Variants in CRTAP observed in about 807,000 individuals in gnomAD.
CRTAP encodes the protein cartilage associated protein.
In CRTAP, 33 loss-of-function variants were observed where a neutral mutation model predicts 42.7. The observed-to-expected ratio is 0.77, with a 90% CI of 0.59 to 1.03. CRTAP has a LOEUF of 1.03. CRTAP is among the 50% of genes least tolerant of loss of function. CRTAP has a pLI of 0.00. For synonymous variants in CRTAP, 243 were observed against 217.7 expected (o/e 1.12, Z -1.02); for missense variants, 613 against 533.9 (o/e 1.15, Z -1.46).
intron 1 of CRTAP, among the ~76,000 whole-genome samples, 190 bp from the exon 2 acceptor site, chr3:33,120,154 G>A (rs1286935073): frequency 6.6e-6 from 1 of 152,182 alleles, no homozygotes; most frequent in Non-Finnish European, 1.5e-5. Flanking sequence ...CCAGACAGTC[G>A]CTTTCAGGAA....
chr3:33,114,843 A>G lies in CRTAP; in HGVS notation c.471+295A>G, dbSNP rs9841225. On this transcript the variant is annotated intron_variant, in intron 1 of 6. Transcript: ENST00000320954. ...TAAATGTTCTCTGTTATTTGAGGGCAGACGCCTCTTTTCTGTATATACCAT... is the reference window on the plus strand; with the variant it reads ...TAAATGTTCTCTGTTATTTGAGGGCGGACGCCTCTTTTCTGTATATACCAT... 0.18 allele frequency among the ~76,000 whole-genome samples: 27,093 copies of G among 152,292 alleles called. 3,533 individuals are homozygous for G. Among genetic ancestry groups the G allele is most frequent in the East Asian group, 0.49 (2,551 of 5,176 alleles).
At chr3:33,122,954 A>G (rs1399288720) in intron 2 of CRTAP, among the ~76,000 whole-genome samples, 1 of 151,474 alleles carries the variant, frequency 6.6e-6, no homozygotes, top group Non-Finnish European at 1.5e-5. Context: ...CCTTGGTCCT[A>G]GTTTATTTCT....
chr3:33,125,290 A>G lies in CRTAP; in HGVS notation c.793+711A>G, dbSNP rs76367056. 2.2e-3 allele frequency among the ~76,000 whole-genome samples: 338 copies of G among 152,296 alleles called. 1 individual carries two copies. Among genetic ancestry groups the G allele is most frequent in the African/African-American group, 7.9e-3 (327 of 41,558 alleles). On this transcript the variant is annotated intron_variant, in intron 3 of 6. Coordinates refer to ENST00000320954, the MANE Select transcript of CRTAP (RefSeq NM_006371.5). ...TACCTTGGATAAAGGTATCATGTCT[A>G]TGTACTTGTAAATAAGTCTGGGAAT...
chr3:33,136,928 G>C (rs568098047), intron 6 of CRTAP, among the ~76,000 whole-genome samples: 1 of 152,294 alleles, frequency 6.6e-6, no homozygotes, highest in East Asian at 1.9e-4. Context: ...CCTAGGAATG[G>C]ATTGCTGGGC....
At chr3:33,115,507 C>G (rs143386846) in intron 1 of CRTAP, among the ~76,000 whole-genome samples, 3 of 152,192 alleles carry the variant, frequency 2.0e-5, no homozygotes, top group African/African-American at 7.2e-5. Context: ...CGAGGACCCA[C>G]AAGTTTTAAG....
intron 2 of CRTAP, among the ~76,000 whole-genome samples, chr3:33,121,420 T>A (rs1249231247): frequency 2.3e-4 from 33 of 144,318 alleles, no homozygotes; most frequent in African/African-American, 8.1e-4. Context: ...TCAAAAAAAA[T>A]GAAAGAAAAT....
chr3:33,126,064 T>C (rs2030058181), intron 3 of CRTAP, among the ~76,000 whole-genome samples: 1 of 152,212 alleles, frequency 6.6e-6, no homozygotes, highest in Non-Finnish European at 1.5e-5. Flanking sequence ...ATCAGCACCA[T>C]CCATCTCTAG....
chr3:33,118,498 C>T (rs138172074), intron 1 of CRTAP, among the ~76,000 whole-genome samples: 3 of 152,340 alleles, frequency 2.0e-5, no homozygotes, highest in African/African-American at 7.2e-5. Context: ...CATCACCACC[C>T]ACCACTTCTC....
intron 5 of CRTAP, among the ~76,000 whole-genome samples, chr3:33,132,945 G>A (rs935879032): frequency 8.5e-5 from 13 of 152,050 alleles, no homozygotes; most frequent in African/African-American, 3.1e-4. Flanking sequence ...AGGCGTGGTG[G>A]CACGTGGCTG....
chr3:33,140,607 A>G (rs557597156), intron 6 of CRTAP, among the ~76,000 whole-genome samples: 1 of 152,318 alleles, frequency 6.6e-6, no homozygotes, highest in South Asian at 2.1e-4. Flanking sequence ...TGAAATGTGT[A>G]TAAGCACTCC....
rs1373255474 is a variant in CRTAP at position 33,140,938 on chromosome 3, C to T, written c.1153-1457C>T. Among the ~76,000 whole-genome samples the T allele has an allele frequency of 5.9e-5, 9 of 152,330 alleles. No homozygotes were observed. In the East Asian group the frequency reaches 1.7e-3, roughly 29 times the overall value. ...TCTTGCCTTTTGTAGTCCCCCTTAT[C>T]AGTCTGTCATTCGTTCTTCGTTGCC... On this transcript the variant is annotated intron_variant, in intron 6 of 6. Coordinates refer to ENST00000320954, the MANE Select transcript of CRTAP (RefSeq NM_006371.5).
rs1286740267 is a variant in CRTAP at position 33,114,318 on chromosome 3, G to C, written c.241G>C (p.Glu81Gln). The change falls in exon 1 of 7, where the codon GAG becomes CAG. Residue 81 changes from glutamate (E) to glutamine (Q), a missense_variant. Glu to Gln is a conservative substitution (Grantham distance 29). Coordinates refer to ENST00000320954, the MANE Select transcript of CRTAP (RefSeq NM_006371.5). ...GCTGCACCGCTTGCTGCGCGACAGC[G>C]AGGCCTTCTGCCACCGCAACTGCAG... Reference protein sequence around the residue: ...LRLHRLLRDSEAFCHRNCSAA... With the variant: ...LRLHRLLRDSQAFCHRNCSAA... The C allele has an allele frequency of 6.5e-7, 1 of 1,545,458 alleles. No homozygotes were observed. The highest frequency in any genetic ancestry group is 8.7e-7 in the Non-Finnish European group (1 of 1,153,796).
Position 33,114,190 on chromosome 3 carries a change from G to T in CRTAP, c.113G>T (p.Arg38Leu), listed in dbSNP as rs1311153988. 6.3e-7 allele frequency: 1 copy of T among 1,592,908 alleles called. No homozygotes were observed. The highest frequency in any genetic ancestry group is 2.3e-5 in the East Asian group (1 of 44,158). ...YERYSFRSFP[R>L]DELMPLESAY... is the part of the protein sequence containing the mutation. ...CGCTACAGCTTCCGCAGCTTCCCAC[G>T]GGACGAGCTGATGCCGCTCGAGTCG... The change falls in exon 1 of 7, where the codon CGG becomes CTG. Residue 38 changes from arginine (R) to leucine (L), a missense_variant. Physicochemically the swap from Arg to Leu is moderately radical, Grantham distance 102 (BLOSUM62 -2). Transcript: ENST00000320954.
chr3:33,130,799 G>T (rs1275371428), intron 4 of CRTAP, among the ~76,000 whole-genome samples: 9 of 152,068 alleles, frequency 5.9e-5, no homozygotes, highest in Admixed American at 5.9e-4. Context: ...CTCCCAAAGT[G>T]CTGGGATTAC....
intron 4 of CRTAP, 62 bp downstream of exon 4, chr3:33,130,129 A>C: frequency 6.6e-7 from 1 of 1,505,672 alleles, no homozygotes; most frequent in Non-Finnish European, 9.2e-7. Context: ...TGTAAAATAG[A>C]GGTAATAACT....
chr3:33,141,237 C>G (rs2030562079), intron 6 of CRTAP, among the ~76,000 whole-genome samples: 1 of 152,160 alleles, frequency 6.6e-6, no homozygotes, highest in Admixed American at 6.5e-5. Context: ...ATACCATCAT[C>G]CCGCAAGTCA....
chr3:33,124,865 A>C (rs779393963), intron 3 of CRTAP, among the ~76,000 whole-genome samples: 38 of 152,190 alleles, frequency 2.5e-4, no homozygotes, highest in Admixed American at 6.5e-5. Flanking sequence ...TTTGAAAAAT[A>C]AAAATGGGCC....
rs968486978 is a variant in CRTAP, at chr3:33,147,354, T to C, written c.*4906T>C. On this transcript the variant is annotated 3_prime_UTR_variant, in exon 7 of 7. Transcript: ENST00000320954. ...TAAGAATCAAGAGCAGCTATTGTTA[T>C]CCTTAGAGTGTTTTCCGTCTAGGGC... is the stretch of plus-strand genomic sequence containing the variant. The C allele has an allele frequency of 6.5e-6, 1 of 152,702 alleles. No individual in the cohort carries two copies. The highest frequency in any genetic ancestry group is 2.4e-5 in the African/African-American group (1 of 41,478). The allele number at this position is 152,702 out of a possible 1,614,324, so 9.5% of individuals were successfully genotyped here.
chr3:33,141,463 T>C (rs1306922307), intron 6 of CRTAP, among the ~76,000 whole-genome samples: 1 of 152,246 alleles, frequency 6.6e-6, no homozygotes, highest in Non-Finnish European at 1.5e-5. Context: ...TTGTGTCTCA[T>C]GTACTTGATA....
Sources: allele counts gnomAD v4.1 joint callset (sites outside exome capture counted in the v4.1 genomes callset), GRCh38; gene constraint gnomAD v4.1.1; transcripts MANE v1.5; gene names NCBI Gene and HGNC (gene_info 2026-07-23, HGNC 2026-07-21).